SH3GL2: variants seen among roughly 807,000 people sequenced by gnomAD.
SH3GL2 encodes the protein endophilin-A1.
SH3GL2 carries 24 observed loss-of-function variants against 46.0 expected under a neutral mutation model. The ratio of observed to expected loss-of-function variants is 0.52; its 90% CI spans 0.38 to 0.73. The LOEUF is 0.73. Among genes scored for constraint, SH3GL2 ranks in the 30% least tolerant of loss-of-function variants. SH3GL2 has a pLI of 0.00. For synonymous variants in SH3GL2, 196 were observed against 147.1 expected (o/e 1.33, Z -2.40); for missense variants, 413 against 424.2 (o/e 0.97, Z 0.23).
intron 1 of SH3GL2, among the ~76,000 whole-genome samples, chr9:17,690,675 T>C (rs1821053493): frequency 6.6e-6 from 1 of 152,086 alleles, no homozygotes; most frequent in Non-Finnish European, 1.5e-5. Flanking sequence ...AATGGGAGAA[T>C]TACTCTCTCT....
intron 1 of SH3GL2, among the ~76,000 whole-genome samples, chr9:17,713,807 T>A (rs1025373567): frequency 1.3e-5 from 2 of 151,746 alleles, no homozygotes; most frequent in African/African-American, 4.8e-5. Flanking sequence ...GAATATTGCC[T>A]GTCTTGTATA....
In SH3GL2 at chr9:17,697,405, G is replaced by A. The variant is rs557357373; in HGVS notation, c.46-49661G>A. ...TGCCTGGCTAATTTTTGTATTTTTA[G>A]TAGAGACAGGGTTTCACCATGCTGG... On this transcript the variant is annotated intron_variant, in intron 1 of 8. Transcript: ENST00000380607. Among the ~76,000 whole-genome samples the A allele has an allele frequency of 2.1e-5, 3 of 142,768 alleles. No homozygotes were observed. The South Asian group carries it at 7.2e-4, about 34-fold the overall frequency. 93.7% of individuals were successfully genotyped at this position (142,768 alleles called of 152,430 possible). A position where few individuals can be genotyped will look rare whatever the true frequency, so the allele number is the denominator to read the frequency against.
intron 1 of SH3GL2, among the ~76,000 whole-genome samples, chr9:17,579,651 GC>G (rs1231014368): frequency 6.6e-6 from 1 of 152,196 alleles, no homozygotes; most frequent in Non-Finnish European, 1.5e-5. Flanking sequence ...ATGTAAAGTC[GC>G]CTCTTCACGG....
At chr9:17,773,161 G>A (rs544362223) in intron 3 of SH3GL2, among the ~76,000 whole-genome samples, 1 of 152,092 alleles carries the variant, frequency 6.6e-6, no homozygotes, top group African/African-American at 2.4e-5. Flanking sequence ...TCAAGCCTTC[G>A]CTCATTTATT....
At chr9:17,603,015 C>T (rs983397743) in intron 1 of SH3GL2, among the ~76,000 whole-genome samples, 3 of 152,140 alleles carry the variant, frequency 2.0e-5, no homozygotes, top group African/African-American at 7.2e-5. Context: ...GGAGCTTGGG[C>T]CCAGTCATGG....
At chr9:17,625,274 C>T (rs1022783836) in intron 1 of SH3GL2, among the ~76,000 whole-genome samples, 1 of 152,084 alleles carries the variant, frequency 6.6e-6, no homozygotes, top group African/African-American at 2.4e-5. Flanking sequence ...CCTGCAGAGG[C>T]CAGATAGTCC....
intron 1 of SH3GL2, among the ~76,000 whole-genome samples, chr9:17,690,053 G>T (rs184084523): frequency 6.6e-6 from 1 of 152,158 alleles, no homozygotes; most frequent in South Asian, 2.1e-4. Context: ...CGCACATTCT[G>T]TGTGACTCTT....
intron 1 of SH3GL2, 32 bp from the exon 2 acceptor site, chr9:17,747,034 T>G (rs1193837113): frequency 1.4e-6 from 2 of 1,443,870 alleles, no homozygotes; most frequent in Non-Finnish European, 1.9e-6. Context: ...AAACTGTTTA[T>G]AATAATTCTC....
intron 1 of SH3GL2, among the ~76,000 whole-genome samples, chr9:17,690,383 A>G (rs1180920295): frequency 1.3e-5 from 2 of 152,030 alleles, no homozygotes; most frequent in African/African-American, 4.8e-5. Context: ...CCACTATCTG[A>G]ACTTCGTGCT....
chr9:17,737,206 G>A (rs1394893876), intron 1 of SH3GL2, among the ~76,000 whole-genome samples: 1 of 151,954 alleles, frequency 6.6e-6, no homozygotes, highest in Non-Finnish European at 1.5e-5. Context: ...CTGTCAGGGG[G>A]TGGGGGGCTA....
intron 3 of SH3GL2, among the ~76,000 whole-genome samples, chr9:17,765,547 C>T (rs905018389): frequency 6.6e-6 from 1 of 152,168 alleles, no homozygotes; most frequent in African/African-American, 2.4e-5. Flanking sequence ...TATGTAAAAC[C>T]CTTCCATGGC....
chr9:17,675,532 T>C (rs2117995940), intron 1 of SH3GL2, among the ~76,000 whole-genome samples: 1 of 152,362 alleles, frequency 6.6e-6, no homozygotes, highest in Non-Finnish European at 1.5e-5. Context: ...AGAAGTTATT[T>C]TTCCCTAGAA....
chr9:17,687,526 A>G (rs774384275), intron 1 of SH3GL2, among the ~76,000 whole-genome samples: 6 of 142,832 alleles, frequency 4.2e-5, no homozygotes, highest in South Asian at 2.1e-4. Flanking sequence ...TGTAAATACA[A>G]TTGTCAACAT....
intron 7 of SH3GL2, 49 bp downstream of exon 7, chr9:17,791,383 A>T (rs775263615): frequency 1.1e-5 from 14 of 1,226,338 alleles, no homozygotes; most frequent in Non-Finnish European, 1.7e-5. Context: ...TTGCTATAAA[A>T]TGATGTATAA....
rs541292327 is a variant in SH3GL2 at position 17,730,645 on chromosome 9, G to T, written c.46-16421G>T. On this transcript the variant is annotated intron_variant, in intron 1 of 8. Transcript: ENST00000380607. ...TTGAGATAGGTTCAATCAATACCTG[G>T]TTTATTAAGTGTTTTAGCATGAAGG... is the stretch of plus-strand genomic sequence containing the variant. 1.2e-4 allele frequency among the ~76,000 whole-genome samples: 18 copies of T among 152,148 alleles called. No homozygotes were observed. In the East Asian group the frequency reaches 2.9e-3, roughly 25 times the overall value.
chr9:17,757,294 C>T (rs867218964), intron 2 of SH3GL2, among the ~76,000 whole-genome samples: 1 of 152,100 alleles, frequency 6.6e-6, no homozygotes, highest in Admixed American at 6.5e-5. Context: ...GCAACAAAAG[C>T]CAAAATTGAC....
At chr9:17,787,328 G>A (rs747137681) in intron 4 of SH3GL2, 52 bp from the exon 5 acceptor site, 9 of 1,520,446 alleles carry the variant, frequency 5.9e-6, no homozygotes, top group South Asian at 2.3e-5. Context: ...CTGTTATTGC[G>A]AGTGCATTTC....
At chr9:17,681,657 A>G (rs1820770180) in intron 1 of SH3GL2, among the ~76,000 whole-genome samples, 1 of 152,176 alleles carries the variant, frequency 6.6e-6, no homozygotes, top group African/African-American at 2.4e-5. Context: ...AGACTTCATG[A>G]CAAAAATGCC....
chr9:17,722,549 A>C (rs1821922093), intron 1 of SH3GL2, among the ~76,000 whole-genome samples: 1 of 151,438 alleles, frequency 6.6e-6, no homozygotes, highest in African/African-American at 2.4e-5. Flanking sequence ...ATTATACTTT[A>C]AGTTTTAGGG....
Sources: allele counts gnomAD v4.1 joint callset (sites outside exome capture counted in the v4.1 genomes callset), GRCh38; gene constraint gnomAD v4.1.1; transcripts MANE v1.5; gene names NCBI Gene and HGNC (gene_info 2026-07-23, HGNC 2026-07-21).